The following OLFM3 variants were observed in gnomAD, a reference collection of about 807,000 sequenced individuals.
OLFM3 encodes the protein noelin-3.
In OLFM3, 20 loss-of-function variants were observed where a neutral mutation model predicts 48.6. The ratio of observed to expected loss-of-function variants is 0.41; its 90% confidence interval spans 0.29 to 0.60. OLFM3 has a LOEUF of 0.60. Among genes scored for constraint, OLFM3 ranks in the 20% least tolerant of loss-of-function variants. The pLI is 0.28. For synonymous variants in OLFM3, 222 were observed against 198.1 expected (o/e 1.12, Z -1.01); for missense variants, 437 against 544.3 (o/e 0.80, Z 1.96).
chr1:101,846,223 T>C lies in OLFM3; in HGVS notation c.70-9198A>G, dbSNP rs2065885. Among the ~76,000 whole-genome samples the C allele has an allele frequency of 3.5e-4, 53 of 152,310 alleles. No homozygotes were observed. In the South Asian group the frequency reaches 0.01, roughly 30 times the overall value. On this transcript the variant is annotated intron_variant, in intron 1 of 5. Transcript: ENST00000370103. ...AAGATTATACAAGACAGTCTTGTGA[T>C]AGGAAGTCTTCATAAAATATTAAAA...
chr1:101,817,200 G>A (rs1344048336), intron 4 of OLFM3, among the ~76,000 whole-genome samples: 1 of 152,062 alleles, frequency 6.6e-6, no homozygotes, highest in Admixed American at 6.6e-5. Context: ...GACAAAGGGA[G>A]CCAGACAGAG....
At chr1:101,921,204 C>T (rs886279034) in intron 1 of OLFM3, among the ~76,000 whole-genome samples, 3 of 140,926 alleles carry the variant, frequency 2.1e-5, no homozygotes, top group Non-Finnish European at 4.7e-5. Context: ...AGTTTATACA[C>T]ACACACACAC....
At chr1:101,816,144 A>C (rs1286749292) in intron 4 of OLFM3, among the ~76,000 whole-genome samples, 1 of 152,226 alleles carries the variant, frequency 6.6e-6, no homozygotes, top group East Asian at 1.9e-4. Flanking sequence ...AGCAAGAGTC[A>C]CTGCTGATTA....
intron 1 of OLFM3, among the ~76,000 whole-genome samples, chr1:101,875,736 C>T (rs1352923495): frequency 6.6e-6 from 1 of 151,008 alleles, no homozygotes; most frequent in Non-Finnish European, 1.5e-5. Context: ...ATATCAAGAG[C>T]TCAAAATATG....
chr1:101,857,778 T>G (rs1229385822), intron 1 of OLFM3, among the ~76,000 whole-genome samples: 1 of 152,066 alleles, frequency 6.6e-6, no homozygotes, highest in East Asian at 1.9e-4. Context: ...GAAGTAGGAT[T>G]TAAGTATGGT....
chr1:101,959,343 T>A (rs74769123), intron 1 of OLFM3, among the ~76,000 whole-genome samples: 4 of 150,548 alleles, frequency 2.7e-5, no homozygotes, highest in African/African-American at 9.7e-5. Context: ...CCTCCTTTTT[T>A]TTTTTTTTTA....
intron 1 of OLFM3, among the ~76,000 whole-genome samples, chr1:101,933,063 A>C (rs1363527526): frequency 6.6e-6 from 1 of 151,796 alleles, no homozygotes; most frequent in East Asian, 1.9e-4. Context: ...TTAGCCAGGC[A>C]TTGTGGCGGG....
At chr1:101,926,239 T>C (rs78923510) in intron 1 of OLFM3, among the ~76,000 whole-genome samples, 2,353 of 152,308 alleles carry the variant, frequency 0.015, 22 homozygotes, top group African/African-American at 0.021. Context: ...TCATATAGCT[T>C]ATCTTCTTTC....
At chr1:101,948,755 G>A (rs967215175) in intron 1 of OLFM3, among the ~76,000 whole-genome samples, 1 of 151,316 alleles carries the variant, frequency 6.6e-6, no homozygotes, top group African/African-American at 2.4e-5. Flanking sequence ...TCTCCTCTGC[G>A]TAAATACTGA....
intron 1 of OLFM3, among the ~76,000 whole-genome samples, chr1:101,937,898 T>G (rs1212514632): frequency 6.6e-6 from 1 of 152,220 alleles, no homozygotes; most frequent in East Asian, 1.9e-4. Flanking sequence ...AGATTTTTCT[T>G]GTTTACTTCC....
At chr1:101,847,635 A>T (rs915989046) in intron 1 of OLFM3, among the ~76,000 whole-genome samples, 1 of 152,176 alleles carries the variant, frequency 6.6e-6, no homozygotes, top group Non-Finnish European at 1.5e-5. Context: ...GGCATCTTAC[A>T]CCTGAACAGA....
At position 101,876,269 on chromosome 1, in the gene OLFM3, T is replaced by C. The variant is rs1345831694; in HGVS notation, c.70-39244A>G. Among the ~76,000 whole-genome samples, 3 of 151,902 alleles carry C rather than the reference T, an allele frequency of 2.0e-5. No individual in the cohort carries two copies. The East Asian group carries it at 5.8e-4, about 29-fold the overall frequency. ...CTGAACAGCCTTAGAGTGCAAACCATACTAAAGGGAATTGGTGAATGCCAG... is the reference window on the plus strand; with the variant it reads ...CTGAACAGCCTTAGAGTGCAAACCACACTAAAGGGAATTGGTGAATGCCAG... On this transcript the variant is annotated intron_variant, in intron 1 of 5. Coordinates refer to ENST00000370103, the MANE Select transcript of OLFM3 (RefSeq NM_058170.4).
intron 2 of OLFM3, 24 bp downstream of exon 2, chr1:101,836,855 G>C: frequency 6.2e-7 from 1 of 1,610,154 alleles, no homozygotes. Context: ...CTAAAAATAT[G>C]CATAGGGGAC....
chr1:101,869,946 A>G (rs1395986093), intron 1 of OLFM3, among the ~76,000 whole-genome samples: 1 of 152,116 alleles, frequency 6.6e-6, no homozygotes, highest in East Asian at 1.9e-4. Context: ...TTTCTAAATT[A>G]CCCAGTCTCG....
intron 1 of OLFM3, among the ~76,000 whole-genome samples, chr1:101,925,789 C>A (rs979325935): frequency 6.6e-6 from 1 of 152,024 alleles, no homozygotes; most frequent in Non-Finnish European, 1.5e-5. Flanking sequence ...CTCAGCCCCA[C>A]AAAGTGCTAA....
chr1:101,950,200 G>A (rs1373874289), intron 1 of OLFM3, among the ~76,000 whole-genome samples: 4 of 151,930 alleles, frequency 2.6e-5, no homozygotes, highest in African/African-American at 9.7e-5. Flanking sequence ...GGTCTCTTTG[G>A]TGTTCCTTGA....
intron 1 of OLFM3, among the ~76,000 whole-genome samples, chr1:101,993,967 AGAC>A (rs1349765211): frequency 3.3e-5 from 5 of 151,172 alleles, no homozygotes; most frequent in Non-Finnish European, 7.4e-5. Context: ...AAAAAAAAAA[AGAC>A]ACACACCGCA....
chr1:101,970,328 C>T (rs1008842805), intron 1 of OLFM3, among the ~76,000 whole-genome samples: 2 of 152,082 alleles, frequency 1.3e-5, no homozygotes, highest in African/African-American at 2.4e-5. Flanking sequence ...TTTCTTTTCA[C>T]TTTAAGATTA....
At chr1:101,966,455 G>A (rs1329016389) in intron 1 of OLFM3, among the ~76,000 whole-genome samples, 1 of 152,156 alleles carries the variant, frequency 6.6e-6, no homozygotes, top group Non-Finnish European at 1.5e-5. Flanking sequence ...TTACAGGCGT[G>A]AGCCACTGTG....
Sources: gnomAD v4.1 joint callset for allele counts (sites outside exome capture counted in the v4.1 genomes callset) on GRCh38, gnomAD v4.1.1 for gene constraint, MANE v1.5 for transcripts, NCBI Gene and HGNC (gene_info 2026-07-23, HGNC 2026-07-21) for gene names.